Variants in DCUN1D5 observed in about 807,000 individuals in gnomAD.
DCUN1D5 encodes defective in cullin neddylation 1 domain containing 5, also known as DCN1-like protein 5.
Under a neutral mutation model 38.3 loss-of-function variants are expected in DCUN1D5, and 10 were observed. The ratio of observed to expected loss-of-function variants is 0.26; its 90% CI spans 0.16 to 0.44. The LOEUF (loss-of-function observed/expected upper bound fraction) is 0.44. DCUN1D5 is among the 20% of genes least tolerant of loss of function. DCUN1D5 has a pLI of 1.00. For missense variants in DCUN1D5, 148 were observed against 275.3 expected (o/e 0.54, Z 3.27); for synonymous variants, 93 against 90.9 (o/e 1.02, Z -0.13).
At position 103,064,683 on chromosome 11, in the gene DCUN1D5, T is replaced by C. The variant is rs1421890218; in HGVS notation, c.556-306A>G. Among the ~76,000 whole-genome samples, 1 of 152,212 alleles carries C rather than the reference T, an allele frequency of 6.6e-6. No individual in the cohort carries two copies. The highest frequency in any genetic ancestry group is 1.5e-5 in the Non-Finnish European group (1 of 68,028). On this transcript the variant is annotated intron_variant, in intron 6 of 7. Coordinates refer to ENST00000260247, the MANE Select transcript of DCUN1D5 (RefSeq NM_032299.4). This position sits in a 1 kb window ranked among gnomAD's most constrained non-coding sequence, Gnocchi z 4.5. The stretch of plus-strand genomic sequence containing the variant: ...CAATGAGATCAAGATATATAACATT[T>C]CCTACATCCAGTATGTTCTATTGTG...
chr11:103,089,390 AAC>A, intron 1 of DCUN1D5, 72 bp from the exon 2 acceptor site: 1 of 1,331,786 alleles, frequency 7.5e-7, no homozygotes, highest in Non-Finnish European at 1.0e-6. Flanking sequence ...GTTCAAAATT[AAC>A]AACTTCCATT....
In DCUN1D5 at chr11:103,066,243, T is replaced by C; in HGVS notation, c.555+26A>G. The C allele has an allele frequency of 1.4e-6, 2 of 1,413,080 alleles. No homozygotes were observed. Among genetic ancestry groups the C allele is most frequent in the South Asian group, 1.4e-5 (1 of 73,216 alleles). 87.5% of individuals were successfully genotyped at this position (1,413,080 alleles called of 1,614,324 possible). On this transcript the variant is annotated intron_variant, in intron 6 of 7. Coordinates refer to ENST00000260247, the MANE Select transcript of DCUN1D5 (RefSeq NM_032299.4). The surrounding 1 kb of genome is among the most constrained non-coding windows in gnomAD (Gnocchi z 4.7). ...TCAGATTAAGTTTTAAAATAATATT[T>C]TCAAAATTCGAAAAAACATACGTAC...
rs1185376536 is a variant in DCUN1D5 at position 103,056,959 on chromosome 11, A to C, written c.*5400T>G. On this transcript the variant is annotated 3_prime_UTR_variant, in exon 8 of 8. Coordinates refer to ENST00000260247, the MANE Select transcript of DCUN1D5 (RefSeq NM_032299.4). This position sits in a 1 kb window ranked among gnomAD's most constrained non-coding sequence, Gnocchi z 4.9. ...GTAGGTATCATTATCGCCATTTTACAGAAGAAACTGAAAATGACATAGGTT... is the reference window on the plus strand; with the variant it reads ...GTAGGTATCATTATCGCCATTTTACCGAAGAAACTGAAAATGACATAGGTT... 7.2e-5 allele frequency among the ~76,000 whole-genome samples: 11 copies of C among 152,234 alleles called. No homozygotes were observed. The highest frequency in any genetic ancestry group is 7.2e-4 in the Admixed American group (11 of 15,286).
chr11:103,076,184 TCATAGCATAA>T (rs1862402795), intron 4 of DCUN1D5, among the ~76,000 whole-genome samples: 1 of 152,162 alleles, frequency 6.6e-6, no homozygotes, highest in African/African-American at 2.4e-5. Context: ...AAAATCACTG[TCATAGCATAA>T]CACAGGACCT....
Position 103,066,389 on chromosome 11 carries a change from A to C in DCUN1D5, c.451-16T>G. ...GATCTTTATCCTAAAATATAAGTGA[A>C]AAAGTTTTCCTAAGTGTGGTCTCAA... On this transcript the variant is annotated splice_polypyrimidine_tract_variant and intron_variant, in intron 5 of 7. Coordinates refer to ENST00000260247, the MANE Select transcript of DCUN1D5 (RefSeq NM_032299.4). The surrounding 1 kb of genome is among the most constrained non-coding windows in gnomAD (Gnocchi z 4.7). 2 of 1,602,470 alleles carry C rather than the reference A, an allele frequency of 1.2e-6. No homozygotes were observed.
chr11:103,069,485 T>C (rs562755307), intron 4 of DCUN1D5, among the ~76,000 whole-genome samples: 2 of 152,218 alleles, frequency 1.3e-5, no homozygotes, highest in African/African-American at 4.8e-5. Flanking sequence ...TAATAAAGCC[T>C]CTCTCTCAAC....
Position 103,059,312 on chromosome 11 carries a change from G to A in DCUN1D5, c.*3047C>T, listed in dbSNP as rs1329308231. On this transcript the variant is annotated 3_prime_UTR_variant, in exon 8 of 8. Coordinates refer to ENST00000260247, the MANE Select transcript of DCUN1D5 (RefSeq NM_032299.4). ...CTATTCCACATACCTTGTATGCCTT[G>A]AAAACTCTGGAGTTATCTCAGAATT... Among the ~76,000 whole-genome samples, 1 of 151,986 alleles carries A rather than the reference G, an allele frequency of 6.6e-6. No homozygotes were observed. The highest frequency in any genetic ancestry group is 1.5e-5 in the Non-Finnish European group (1 of 68,002).
chr11:103,065,448 C>A lies in DCUN1D5; in HGVS notation c.555+821G>T, dbSNP rs183726014. ...CTGGGATTACAGGCGTGTGCCACCACGCCCAGCTGATATCACTGTCTTGTA... is the reference window on the plus strand; with the variant it reads ...CTGGGATTACAGGCGTGTGCCACCAAGCCCAGCTGATATCACTGTCTTGTA... On this transcript the variant is annotated intron_variant, in intron 6 of 7. Coordinates refer to ENST00000260247, the MANE Select transcript of DCUN1D5 (RefSeq NM_032299.4). This position sits in a 1 kb window ranked among gnomAD's most constrained non-coding sequence, Gnocchi z 4.6. Among the ~76,000 whole-genome samples the A allele has an allele frequency of 6.6e-6, 1 of 152,156 alleles. No homozygotes were observed. The highest frequency in any genetic ancestry group is 1.5e-5 in the Non-Finnish European group (1 of 68,026).
Position 103,091,595 on chromosome 11 carries a change from C to G in DCUN1D5, c.86+192G>C. On this transcript the variant is annotated intron_variant, in intron 1 of 7. Coordinates refer to ENST00000260247, the MANE Select transcript of DCUN1D5 (RefSeq NM_032299.4). The surrounding 1 kb of genome is among the most constrained non-coding windows in gnomAD (Gnocchi z 4.3). ...CTTCTAGTCTCTCCATAAACGCCAG[C>G]GTGCACACACTCGAACACGAGGTCG... is the stretch of plus-strand genomic sequence containing the variant. The G allele has an allele frequency of 1.1e-6, 1 of 936,194 alleles. No homozygotes were observed. The highest frequency in any genetic ancestry group is 1.5e-5 in the South Asian group (1 of 67,242). 58.0% of individuals were successfully genotyped at this position (936,194 alleles called of 1,614,324 possible).
intron 4 of DCUN1D5, among the ~76,000 whole-genome samples, chr11:103,072,349 T>TCTAGATCTAGATCTAGAACTAGAA (rs1862296134): frequency 6.6e-6 from 1 of 150,794 alleles, no homozygotes; most frequent in African/African-American, 2.5e-5. Flanking sequence ...TAGATCTAGA[T>TCTAGATCTAGATCTAGAACTAGAA]CTAGATCTAG....
intron 4 of DCUN1D5, among the ~76,000 whole-genome samples, chr11:103,082,233 G>C (rs1370385978): frequency 6.6e-6 from 1 of 152,070 alleles, no homozygotes; most frequent in East Asian, 1.9e-4. Context: ...AATGGGTAAA[G>C]ATTGCACGGG....
intron 4 of DCUN1D5, among the ~76,000 whole-genome samples, chr11:103,069,721 C>T (rs985351496): frequency 6.6e-6 from 1 of 152,116 alleles, no homozygotes; most frequent in African/African-American, 2.4e-5. Context: ...CTCATCCCTG[C>T]CCAGCAGTCA....
In DCUN1D5 at chr11:103,078,159, T is replaced by C. The variant is rs1465952507; in HGVS notation, c.341+4589A>G. On this transcript the variant is annotated intron_variant, in intron 4 of 7. Transcript: ENST00000260247. This position sits in a 1 kb window ranked among gnomAD's most constrained non-coding sequence, Gnocchi z 4.6. ...CGGCAGGCAGCTTAATTACTATCAC[T>C]GTTGTCAGATGCTCTTGTCTTGTCC... Among the ~76,000 whole-genome samples, 1 of 152,202 alleles carries C rather than the reference T, an allele frequency of 6.6e-6. No homozygotes were observed. The highest frequency in any genetic ancestry group is 1.5e-5 in the Non-Finnish European group (1 of 68,040).
At chr11:103,075,022 G>C (rs1232014364) in intron 4 of DCUN1D5, among the ~76,000 whole-genome samples, 2 of 152,186 alleles carry the variant, frequency 1.3e-5, no homozygotes, top group African/African-American at 4.8e-5. Flanking sequence ...GCTTGGGTCA[G>C]ATAGTGAATT....
chr11:103,069,062 C>T (rs1862206722), intron 4 of DCUN1D5, among the ~76,000 whole-genome samples: 1 of 152,118 alleles, frequency 6.6e-6, no homozygotes, highest in Non-Finnish European at 1.5e-5. Flanking sequence ...ATAAAAGAGG[C>T]ACTAACTTGA....
intron 2 of DCUN1D5, among the ~76,000 whole-genome samples, chr11:103,088,080 T>G (rs2134638092): frequency 6.6e-6 from 1 of 152,258 alleles, no homozygotes; most frequent in African/African-American, 2.4e-5. Context: ...ACTAAACAAT[T>G]TTAAAATTGT....
At chr11:103,074,946 A>C (rs1196460251) in intron 4 of DCUN1D5, among the ~76,000 whole-genome samples, 2 of 152,144 alleles carry the variant, frequency 1.3e-5, no homozygotes, top group African/African-American at 4.8e-5. Context: ...GGTTTGTGTA[A>C]AATTTCTCTA....
chr11:103,082,785 T>TA lies in DCUN1D5; in HGVS notation c.303dup (p.Thr102TyrfsTer15). On this transcript the variant is annotated frameshift_variant, in exon 4 of 8. Coordinates refer to ENST00000260247, the MANE Select transcript of DCUN1D5 (RefSeq NM_032299.4). LOFTEE classifies it high-confidence loss of function. ...ATTCCCTTTAACCATTCTTCCTTGG[T>TA]AAAAAATCCCATGCTTTCAGCCTCC... is the stretch of plus-strand genomic sequence containing the variant. 6.2e-7 allele frequency: 1 copy of TA among 1,613,120 alleles called. No homozygotes were observed. Among genetic ancestry groups the TA allele is most frequent in the Non-Finnish European group, 8.5e-7 (1 of 1,179,362 alleles).
chr11:103,090,642 G>A (rs979997281), intron 1 of DCUN1D5, among the ~76,000 whole-genome samples: 6 of 152,220 alleles, frequency 3.9e-5, no homozygotes, highest in Non-Finnish European at 7.3e-5. Context: ...GTCGGGCGAG[G>A]TGGCTCACTC....
Sources: gnomAD v4.1 joint callset for allele counts (sites outside exome capture counted in the v4.1 genomes callset) on GRCh38, gnomAD v4.1.1 for gene constraint, Gnocchi (gnomAD v3.1) non-coding constraint, MANE v1.5 for transcripts, NCBI Gene and HGNC (gene_info 2026-07-23, HGNC 2026-07-21) for gene names.